The following CSNK1D variants were observed in gnomAD, a reference collection of about 807,000 sequenced individuals.
CSNK1D encodes casein kinase 1 delta.
Under a neutral mutation model 46.6 loss-of-function variants are expected in CSNK1D, and 16 were observed. The observed-to-expected ratio is 0.34, with a 90% confidence interval of 0.23 to 0.52. CSNK1D has a LOEUF of 0.52. Among genes scored for constraint, CSNK1D ranks in the 20% least tolerant of loss-of-function variants. The pLI is 0.95. For missense variants in CSNK1D, 398 were observed against 578.4 expected (o/e 0.69, Z 3.20); for synonymous variants, 276 against 228.2 (o/e 1.21, Z -1.89).
chr17:82,243,791 G>A lies in CSNK1D; in HGVS notation c.*990C>T. 1.0e-6 allele frequency: 1 copy of A among 985,490 alleles called. No individual in the cohort carries two copies. Among genetic ancestry groups the A allele is most frequent in the Non-Finnish European group, 1.2e-6 (1 of 829,974 alleles). 61.0% of individuals were successfully genotyped at this position (985,490 alleles called of 1,614,324 possible). A position where few individuals can be genotyped will look rare whatever the true frequency, so the allele number is the denominator to read the frequency against. ...ATTGAGTGCTGAGAAAATGGACTGA[G>A]TGCAAAGGCAGCAAGGCAACAAACA... is the stretch of plus-strand genomic sequence containing the variant. On this transcript the variant is annotated 3_prime_UTR_variant, in exon 9 of 9. Transcript: ENST00000314028.
chr17:82,240,333 A>C (rs565877897), downstream of CSNK1D, among the ~76,000 whole-genome samples: 1 of 151,960 alleles, frequency 6.6e-6, no homozygotes, highest in African/African-American at 2.4e-5. Context: ...GGAGGCAGGG[A>C]GCAGACGAGG....
intron 2 of CSNK1D, among the ~76,000 whole-genome samples, chr17:82,258,392 G>A (rs1267194308): frequency 2.0e-5 from 3 of 151,576 alleles, no homozygotes; most frequent in African/African-American, 7.3e-5. Flanking sequence ...TTTGGGAATA[G>A]TTGCATTCTG....
Position 82,244,431 on chromosome 17 carries a change from G to C in CSNK1D, c.*350C>G. ...ACAAAACTGTCTTAACCAAGTAGAA[G>C]ATTGGTAGTTACAGTGGAATCGTCA... On this transcript the variant is annotated 3_prime_UTR_variant, in exon 9 of 9. Coordinates refer to ENST00000314028, the MANE Select transcript of CSNK1D (RefSeq NM_001893.6). 1 of 1,267,870 alleles carries C rather than the reference G, an allele frequency of 7.9e-7. No homozygotes were observed. The highest frequency in any genetic ancestry group is 1.0e-6 in the Non-Finnish European group (1 of 996,478). The allele number at this position is 1,267,870 out of a possible 1,614,324, so 78.5% of individuals were successfully genotyped here. A position where few individuals can be genotyped will look rare whatever the true frequency, so the allele number is the denominator to read the frequency against.
chr17:82,245,287 GAGCCGCCGAGCGCGCGT>G (rs752237395), intron 8 of CSNK1D: 35 of 298,292 alleles, frequency 1.2e-4, no homozygotes, highest in Non-Finnish European at 2.3e-4. Context: ...CTGCTGGAAG[GAGCCGCCGAGCGCGCGT>G]GGCCGCCGAG....
At chr17:82,256,309 G>A (rs2051173534) in intron 2 of CSNK1D, among the ~76,000 whole-genome samples, 1 of 152,058 alleles carries the variant, frequency 6.6e-6, no homozygotes. Flanking sequence ...TCAGAAGTTC[G>A]AGACCAGCCT....
Position 82,269,275 on chromosome 17 carries a change from TCAACTCGCAGGG to T in CSNK1D, c.77-3491_77-3480del. 2.6e-5 allele frequency among the ~76,000 whole-genome samples: 4 copies of T among 151,904 alleles called. No homozygotes were observed. The Middle Eastern group carries it at 0.01, about 388-fold the overall frequency. ...GACGCCTTGAGCAGCAGGACAAAGG[TCAACTCGCAGGG>T]CAGCGGTCAGCAGTACCACGACTTC... On this transcript the variant is annotated intron_variant, in intron 1 of 8. Coordinates refer to ENST00000314028, the MANE Select transcript of CSNK1D (RefSeq NM_001893.6).
At position 82,246,071 on chromosome 17, in the gene CSNK1D, C is replaced by A. The variant is rs371328694; in HGVS notation, c.1198-1240G>T. The stretch of plus-strand genomic sequence containing the variant: ...TGGGGAAAAGACAGCTGTTGGTAAG[C>A]GTCCCGCTGGCCCCCTGACTACCTG... On this transcript the variant is annotated intron_variant, in intron 8 of 8. Transcript: ENST00000314028. 338 of 1,593,528 alleles carry A rather than the reference C, an allele frequency of 2.1e-4. 3 individuals are homozygous for A. Among genetic ancestry groups the A allele is most frequent in the Non-Finnish European group, 3.8e-5 (45 of 1,170,144 alleles).
In CSNK1D at chr17:82,273,471, G is replaced by C; in HGVS notation, c.-90C>G. ...GGCGCCGCTGCTGCCGCTACTGCGG[G>C]TCCGGCTCCCGGCTCCGCCCCCCTC... On this transcript the variant is annotated 5_prime_UTR_variant, in exon 1 of 9. Coordinates refer to ENST00000314028, the MANE Select transcript of CSNK1D (RefSeq NM_001893.6). This position sits in a 1 kb window ranked among gnomAD's most constrained non-coding sequence, Gnocchi z 5.1. 2.0e-6 allele frequency: 3 copies of C among 1,508,668 alleles called. No homozygotes were observed. The South Asian group carries it at 3.5e-5, about 18-fold the overall frequency. 93.5% of individuals were successfully genotyped at this position (1,508,668 alleles called of 1,614,324 possible).
At chr17:82,245,110 G>A (rs892026220) in intron 8 of CSNK1D, 8 of 583,478 alleles carry the variant, frequency 1.4e-5, no homozygotes, top group African/African-American at 3.7e-5. Context: ...GAGCGGAGAC[G>A]GGTGCTCCTG....
At chr17:82,262,849 G>A (rs1028033800) in intron 2 of CSNK1D, among the ~76,000 whole-genome samples, 2 of 152,198 alleles carry the variant, frequency 1.3e-5, no homozygotes, top group African/African-American at 2.4e-5. Context: ...TTGCCTTCTC[G>A]GACATCATTT....
intron 2 of CSNK1D, among the ~76,000 whole-genome samples, chr17:82,260,032 CTGACTGATG>C (rs372406111): frequency 1.7e-5 from 2 of 121,080 alleles, no homozygotes; most frequent in African/African-American, 9.9e-5. Flanking sequence ...TGATGGTGTA[CTGACTGATG>C]TGACTGATGG....
Position 82,251,251 on chromosome 17 carries a change from A to G in CSNK1D, c.885+128T>C, listed in dbSNP as rs774042975. Reference sequence around the variant, plus strand: ...TCAGTCCAGGTCCTGCCCACTACACACTTGCCCTTCACAACCAGAGACACT... The same window carrying G: ...TCAGTCCAGGTCCTGCCCACTACACGCTTGCCCTTCACAACCAGAGACACT... On this transcript the variant is annotated intron_variant, in intron 6 of 8. Transcript: ENST00000314028. This position sits in a 1 kb window ranked among gnomAD's most constrained non-coding sequence, Gnocchi z 4.5. 30 of 1,136,862 alleles carry G rather than the reference A, an allele frequency of 2.6e-5. No individual in the cohort carries two copies. Among genetic ancestry groups the G allele is most frequent in the Non-Finnish European group, 3.2e-5 (25 of 772,062 alleles). The allele number at this position is 1,136,862 out of a possible 1,614,324, so 70.4% of individuals were successfully genotyped here.
intron 3 of CSNK1D, chr17:82,254,290 A>G (rs1280710124): frequency 3.8e-6 from 1 of 265,072 alleles, no homozygotes; most frequent in Non-Finnish European, 6.7e-6. Context: ...CAGTGCGCTG[A>G]GCCGCCGGAG....
intron 8 of CSNK1D, chr17:82,247,280 C>T (rs1599577292): frequency 2.0e-6 from 2 of 985,464 alleles, no homozygotes; most frequent in Non-Finnish European, 1.2e-6. Context: ...ACACTGCTCA[C>T]GGCCACCTTG....
chr17:82,241,056 G>T (rs534370958), downstream of CSNK1D, among the ~76,000 whole-genome samples: 1 of 152,186 alleles, frequency 6.6e-6, no homozygotes, highest in Admixed American at 6.5e-5. Context: ...AAGTGGTTCA[G>T]GTCTACCGTG....
In CSNK1D at chr17:82,273,065, C is replaced by T. The variant is rs932537117; in HGVS notation, c.76+241G>A. 2.4e-5 allele frequency: 12 copies of T among 494,614 alleles called. No individual in the cohort carries two copies. Among genetic ancestry groups the T allele is most frequent in the Non-Finnish European group, 4.0e-5 (11 of 277,048 alleles). The allele number at this position is 494,614 out of a possible 1,614,324, so 30.6% of individuals were successfully genotyped here. On this transcript the variant is annotated intron_variant, in intron 1 of 8. Transcript: ENST00000314028. This position sits in a 1 kb window ranked among gnomAD's most constrained non-coding sequence, Gnocchi z 5.1. ...CCTATCCCCTCCTTCCCCAACCCTC[C>T]CCTCTCCAGACCCTGCTCCCCCGAC...
rs1225671892 is a variant in CSNK1D at position 82,253,251 on chromosome 17, G to A, written c.337-7C>T. ...TGTATTCGATGCGACTGATCTGTGAGCAGAGCAAGGGCGCGAGATGGCACC... is the reference window on the plus strand; with the variant it reads ...TGTATTCGATGCGACTGATCTGTGAACAGAGCAAGGGCGCGAGATGGCACC... On this transcript the variant is annotated splice_region_variant and splice_polypyrimidine_tract_variant and intron_variant, in intron 3 of 8. Coordinates refer to ENST00000314028, the MANE Select transcript of CSNK1D (RefSeq NM_001893.6). The A allele has an allele frequency of 6.2e-7, 1 of 1,613,144 alleles. No individual in the cohort carries two copies. Among genetic ancestry groups the A allele is most frequent in the Admixed American group, 1.7e-5 (1 of 60,024 alleles).
downstream of CSNK1D, chr17:82,239,089 C>G: frequency 9.3e-7 from 1 of 1,079,372 alleles, no homozygotes; most frequent in Non-Finnish European, 1.3e-6. Context: ...GCTCCAGCTG[C>G]CGGCCCAGCG....
Position 82,248,696 on chromosome 17 carries a change from C to G in CSNK1D, c.1197+179G>C. ...CAAGCCCCATGACGGCCCAGCATGT[C>G]TCCCAGGCCCTCCCGAGAAGCCTCA... On this transcript the variant is annotated intron_variant, in intron 8 of 8. Coordinates refer to ENST00000314028, the MANE Select transcript of CSNK1D (RefSeq NM_001893.6). The surrounding 1 kb of genome is among the most constrained non-coding windows in gnomAD (Gnocchi z 4.1). 1 of 1,441,122 alleles carries G rather than the reference C, an allele frequency of 6.9e-7. No homozygotes were observed. The highest frequency in any genetic ancestry group is 9.1e-7 in the Non-Finnish European group (1 of 1,097,906). 89.3% of individuals were successfully genotyped at this position (1,441,122 alleles called of 1,614,324 possible). A position where few individuals can be genotyped will look rare whatever the true frequency, so the allele number is the denominator to read the frequency against.
Sources: gnomAD v4.1 joint callset for allele counts (sites outside exome capture counted in the v4.1 genomes callset) on GRCh38, gnomAD v4.1.1 for gene constraint, Gnocchi (gnomAD v3.1) non-coding constraint, MANE v1.5 for transcripts, NCBI Gene and HGNC (gene_info 2026-07-23, HGNC 2026-07-21) for gene names.